The following LRRC69 variants were observed in gnomAD, a reference collection of about 807,000 sequenced individuals.
The protein encoded by LRRC69 is leucine-rich repeat-containing protein 69.
Under a neutral mutation model 37.8 loss-of-function variants are expected in LRRC69, and 42 were observed. The observed-to-expected ratio is 1.11, with a 90% CI of 0.87 to 1.44. LRRC69 has a LOEUF of 1.44. Ranked by LOEUF, LRRC69 falls within the 40% of genes most tolerant of loss-of-function variation. The pLI is 0.00. For missense variants in LRRC69, 357 were observed against 401.9 expected (o/e 0.89, Z 0.96); for synonymous variants, 141 against 143.1 (o/e 0.99, Z 0.11).
intron 5 of LRRC69, among the ~76,000 whole-genome samples, chr8:91,148,867 G>T (rs371006566): frequency 3.4e-4 from 51 of 151,778 alleles, no homozygotes; most frequent in African/African-American, 7.0e-4. Flanking sequence ...GTCTTTTGGC[G>T]GCATAAATGT....
chr8:91,150,414 C>G (rs1283382064), intron 5 of LRRC69, among the ~76,000 whole-genome samples: 2 of 151,996 alleles, frequency 1.3e-5, no homozygotes, highest in Non-Finnish European at 2.9e-5. Context: ...TTGAACCAGC[C>G]TTGCATCCCA....
intron 5 of LRRC69, among the ~76,000 whole-genome samples, chr8:91,173,843 C>T (rs572036566): frequency 1.3e-5 from 2 of 151,690 alleles, no homozygotes; most frequent in South Asian, 2.1e-4. Context: ...AATGATCTCC[C>T]GAAGGCCCTA....
In LRRC69 at chr8:91,191,048, C is replaced by G. The variant is rs193075451; in HGVS notation, c.753+1425C>G. On this transcript the variant is annotated intron_variant, in intron 6 of 7. Transcript: ENST00000448384. Reference sequence around the variant, plus strand: ...AGCAGGATCCTGTCTCAAACCCCCCCCCCCCCAAGTCAAAAAGCAACAACA... The same window carrying G: ...AGCAGGATCCTGTCTCAAACCCCCCGCCCCCCAAGTCAAAAAGCAACAACA... 6.4e-3 allele frequency among the ~76,000 whole-genome samples: 923 copies of G among 144,620 alleles called. 21 individuals carry two copies. The highest frequency in any genetic ancestry group is 8.8e-3 in the Non-Finnish European group (576 of 65,312). 94.9% of individuals were successfully genotyped at this position (144,620 alleles called of 152,430 possible). A position where few individuals can be genotyped will look rare whatever the true frequency, so the allele number is the denominator to read the frequency against.
chr8:91,168,970 A>T (rs1334670610), intron 5 of LRRC69, among the ~76,000 whole-genome samples: 1 of 151,952 alleles, frequency 6.6e-6, no homozygotes, highest in African/African-American at 2.4e-5. Flanking sequence ...AATACAAAAA[A>T]CAAACTGAAT....
chr8:91,126,423 A>G (rs10097458), intron 2 of LRRC69, among the ~76,000 whole-genome samples: 2,076 of 152,084 alleles, frequency 0.014, 24 homozygotes, highest in Non-Finnish European at 0.021. Context: ...CATGTTTTCA[A>G]ATCAGGAGAG....
chr8:91,125,098 A>G (rs1251690872), intron 2 of LRRC69, among the ~76,000 whole-genome samples: 1 of 151,844 alleles, frequency 6.6e-6, no homozygotes, highest in Non-Finnish European at 1.5e-5. Context: ...TCTTTTTCCC[A>G]TTAACTAATA....
intron 6 of LRRC69, among the ~76,000 whole-genome samples, chr8:91,192,237 G>A (rs1809510763): frequency 6.6e-6 from 1 of 151,976 alleles, no homozygotes. Flanking sequence ...TCTTTATCCA[G>A]TCTATCATTG....
chr8:91,196,484 A>T (rs1035623207), intron 6 of LRRC69, among the ~76,000 whole-genome samples: 2 of 152,134 alleles, frequency 1.3e-5, no homozygotes, highest in African/African-American at 4.8e-5. Context: ...AGGTACACCA[A>T]GCAGACGTAG....
chr8:91,126,516 C>T lies in LRRC69; in HGVS notation c.311-572C>T, dbSNP rs1180354887. ...ATTTAGCAACACTGCAGTTGCGTTCCCATATGACAATTGCCAGAGCTGGCT... is the reference window on the plus strand; with the variant it reads ...ATTTAGCAACACTGCAGTTGCGTTCTCATATGACAATTGCCAGAGCTGGCT... On this transcript the variant is annotated intron_variant, in intron 2 of 7. Transcript: ENST00000448384. Among the ~76,000 whole-genome samples the T allele has an allele frequency of 2.0e-5, 3 of 152,062 alleles. No homozygotes were observed. The East Asian group carries it at 5.8e-4, about 29-fold the overall frequency.
chr8:91,125,313 G>T (rs183357600), intron 2 of LRRC69, among the ~76,000 whole-genome samples: 103 of 151,786 alleles, frequency 6.8e-4, no homozygotes, highest in African/African-American at 2.4e-3. Context: ...TGAGGCATGG[G>T]TGCTATATAT....
rs548787564 is a variant in LRRC69 at position 91,148,900 on chromosome 8, CAT to C, written c.651+13164_651+13165del. Among the ~76,000 whole-genome samples, 810 of 152,016 alleles carry C rather than the reference CAT, an allele frequency of 5.3e-3. 6 individuals are homozygous for C. Among genetic ancestry groups the C allele is most frequent in the African/African-American group, 0.019 (783 of 41,532 alleles). ...TGTCTTCTTTTGAGAAATGTCTGTT[CAT>C]ATCGTTCACCCACTTTTTGATGGGG... On this transcript the variant is annotated intron_variant, in intron 5 of 7. Coordinates refer to ENST00000448384, the Ensembl canonical transcript of LRRC69.
intron 6 of LRRC69, among the ~76,000 whole-genome samples, chr8:91,192,687 G>A (rs963182448): frequency 1.3e-5 from 2 of 152,074 alleles, no homozygotes; most frequent in Non-Finnish European, 2.9e-5. Context: ...AATTTTTGAT[G>A]GGGTTGTTTG....
chr8:91,209,465 AAAT>A (rs1809865574), intron 7 of LRRC69: 3 of 152,210 alleles, frequency 2.0e-5, no homozygotes, highest in African/African-American at 4.8e-5. Flanking sequence ...ATAAATAAAT[AAAT>A]AAAAAAGCCT....
At chr8:91,171,887 T>G (rs73697127) in intron 5 of LRRC69, among the ~76,000 whole-genome samples, 4,507 of 152,074 alleles carry the variant, frequency 0.03, 243 homozygotes, top group African/African-American at 0.1. Flanking sequence ...ATTTCTTTAC[T>G]ATTTTTCCAT....
intron 7 of LRRC69, among the ~76,000 whole-genome samples, chr8:91,216,894 T>C (rs528799763): frequency 2.0e-5 from 3 of 152,292 alleles, no homozygotes; most frequent in East Asian, 1.9e-4. Flanking sequence ...CCCAATACAA[T>C]GTGCACATTC....
chr8:91,189,515 T>C lies in LRRC69; in HGVS notation c.652-7T>C. The C allele has an allele frequency of 6.5e-7, 1 of 1,538,998 alleles. No homozygotes were observed. Among genetic ancestry groups the C allele is most frequent in the Non-Finnish European group, 8.8e-7 (1 of 1,137,154 alleles). On this transcript the variant is annotated splice_polypyrimidine_tract_variant and splice_region_variant and intron_variant, in intron 5 of 7. Transcript: ENST00000448384. Reference sequence around the variant, plus strand: ...TGTGCAATAAGGTTTTTATTTTGTTTGAAAAGTTTCAGGATCTGAAGCTGA... The same window carrying C: ...TGTGCAATAAGGTTTTTATTTTGTTCGAAAAGTTTCAGGATCTGAAGCTGA...
At chr8:91,152,026 T>A (rs1283599607) in intron 5 of LRRC69, among the ~76,000 whole-genome samples, 1 of 151,786 alleles carries the variant, frequency 6.6e-6, no homozygotes, top group Non-Finnish European at 1.5e-5. Flanking sequence ...CCTTGTAAAT[T>A]CTGAATATTA....
At chr8:91,170,962 G>A (rs1395253430) in intron 5 of LRRC69, among the ~76,000 whole-genome samples, 1 of 142,926 alleles carries the variant, frequency 7.0e-6, no homozygotes, top group Non-Finnish European at 1.5e-5. Flanking sequence ...GAGTGAACAG[G>A]CAACCTACAA....
intron 7 of LRRC69, among the ~76,000 whole-genome samples, chr8:91,204,481 T>C (rs1472602830): frequency 1.3e-5 from 2 of 152,226 alleles, no homozygotes; most frequent in Non-Finnish European, 2.9e-5. Flanking sequence ...ATTCTTACTA[T>C]GGCTGCCTTC....
Sources: allele counts gnomAD v4.1 joint callset (sites outside exome capture counted in the v4.1 genomes callset), GRCh38; gene constraint gnomAD v4.1.1; transcripts MANE v1.5; gene names NCBI Gene and HGNC (gene_info 2026-07-23, HGNC 2026-07-21).